Variants in IL17RE observed in about 807,000 individuals in gnomAD.
IL17RE encodes the protein interleukin 17 receptor E, also known as interleukin-17 receptor E.
IL17RE carries 47 observed loss-of-function variants against 70.7 expected under a neutral mutation model. The observed-to-expected ratio is 0.67, with a 90% CI of 0.53 to 0.85. The LOEUF is 0.85. Ranked by LOEUF, IL17RE falls within the 40% of genes least tolerant of loss-of-function variation. IL17RE has a pLI of 0.00. For missense variants in IL17RE, 850 were observed against 893.9 expected, an observed-to-expected ratio of 0.95 and a Z score of 0.63; for synonymous variants, 372 against 381.2, an observed-to-expected ratio of 0.98 and a Z score of 0.28.
At position 9,915,421 on chromosome 3, in the gene IL17RE, T is replaced by G; in HGVS notation, c.1618T>G (p.Trp540Gly). The change falls in exon 16 of 16, where the codon TGG becomes GGG. Residue 540 changes from tryptophan (W) to glycine (G), a missense_variant. Transcript: ENST00000383814. The surrounding 1 kb of genome is among the most constrained non-coding windows in gnomAD (Gnocchi z 4.9). The part of the protein sequence containing the change: ...RHVARVGPLP[W>G]LWAARTRVAR... The stretch of plus-strand genomic sequence containing the variant: ...CGTGGCGCGCGTGGGCCCGCTGCCG[T>G]GGCTCTGGGCGGCGCGGACGCGCGT... 3 of 1,361,998 alleles carry G rather than the reference T, an allele frequency of 2.2e-6. No individual in the cohort carries two copies. The highest frequency in any genetic ancestry group is 2.8e-6 in the Non-Finnish European group (3 of 1,066,872). The allele number at this position is 1,361,998 out of a possible 1,614,324, so 84.4% of individuals were successfully genotyped here.
At chr3:9,914,171 T>C (rs746349401) in intron 13 of IL17RE, 147 bp downstream of exon 13, 21 of 725,690 alleles carry the variant, frequency 2.9e-5, no homozygotes, top group Non-Finnish European at 4.9e-5. Context: ...CATTTACATA[T>C]ATAAACAAAG....
chr3:9,909,201 G>A lies in IL17RE; in HGVS notation c.736-16G>A, dbSNP rs750672105. ...GCCATTCCTCTGACCCTCCCCACCTGCTCCCGTCTCTCCAGGCATCCTACC... is the reference window on the plus strand; with the variant it reads ...GCCATTCCTCTGACCCTCCCCACCTACTCCCGTCTCTCCAGGCATCCTACC... On this transcript the variant is annotated splice_polypyrimidine_tract_variant and intron_variant, in intron 7 of 15. Coordinates refer to ENST00000383814, the MANE Select transcript of IL17RE (RefSeq NM_153480.2). The A allele has an allele frequency of 6.8e-6, 11 of 1,610,864 alleles. No homozygotes were observed. In the African/African-American group the frequency reaches 1.3e-4, roughly 20 times the overall value.
chr3:9,914,766 G>C lies in IL17RE; in HGVS notation c.1436G>C (p.Arg479Pro). Residue 479 changes from arginine (R) to proline (P), a missense_variant, in exon 15 of 16, where the codon CGC becomes CCC. Arg to Pro is a moderately radical substitution (Grantham distance 103). Transcript: ENST00000383814. The stretch of plus-strand genomic sequence containing the variant: ...GTTGTTCTGGCCCTCACCTGCCGGC[G>C]CCCACAGTCAGGTAAGCTCACCTGG... ...LGVVLALTCR[R>P]PQSGPGPARP... 1 of 1,613,638 alleles carries C rather than the reference G, an allele frequency of 6.2e-7. No individual in the cohort carries two copies.
intron 3 of IL17RE, 51 bp from the exon 4 acceptor site, chr3:9,906,313 C>A (rs279581): frequency 4.0e-6 from 4 of 1,004,276 alleles, no homozygotes. Context: ...CATCTCCAGG[C>A]AGGGGAGGGG....
At chr3:9,910,376 A>AC (rs2082863100) in intron 8 of IL17RE, 1 of 158,802 alleles carries the variant, frequency 6.3e-6, no homozygotes, top group Admixed American at 6.1e-5. Flanking sequence ...CAAAAAAAAA[A>AC]ACAAAAAACA....
At chr3:9,902,828 C>T (rs945094096), upstream of IL17RE, 12 of 1,592,324 alleles carry the variant, frequency 7.5e-6, no homozygotes, top group African/African-American at 1.3e-5. Context: ...CAGGCTGGGG[C>T]GAGGGCTCCT....
Position 9,906,993 on chromosome 3 carries a change from G to C in IL17RE, c.559G>C (p.Ala187Pro). 6.2e-7 allele frequency: 1 copy of C among 1,614,156 alleles called. No individual in the cohort carries two copies. Among genetic ancestry groups the C allele is most frequent in the Non-Finnish European group, 8.5e-7 (1 of 1,180,038 alleles). ...GTTCTCCTTTGATTTGCTGCCTGAG[G>C]CCCGGGCTATTCGGGTGACCATATC... ...PEFSFDLLPE[A>P]RAIRVTISSG... is the part of the protein sequence containing the mutation. The change falls in exon 6 of 16, where the codon GCC becomes CCC. Residue 187 changes from alanine (A) to proline (P), a missense_variant. Ala to Pro is a conservative substitution (Grantham distance 27, BLOSUM62 -1). Transcript: ENST00000383814.
At chr3:9,902,747 G>A, upstream of IL17RE, 4 of 1,535,162 alleles carry the variant, frequency 2.6e-6, no homozygotes, top group South Asian at 4.7e-5. Flanking sequence ...CCTCCACTTG[G>A]AGGGGAAGGA....
In IL17RE at chr3:9,906,425, G is replaced by A. The variant is rs779595132; in HGVS notation, c.330G>A (p.Lys110=). Residue 110 remains lysine (K), a synonymous_variant, in exon 4 of 16, where the codon AAG becomes AAA. Transcript: ENST00000383814. Reference sequence around the variant, plus strand: ...AATCCAAAAAGTCTTCCACATTCAAGTTCTATAGGAGACACAAGATGCCAG... The same window carrying A: ...AATCCAAAAAGTCTTCCACATTCAAATTCTATAGGAGACACAAGATGCCAG... ...VQKSKKSSTF[K]FYRRHKMPAP... 6.8e-6 allele frequency: 11 copies of A among 1,613,798 alleles called. No homozygotes were observed. The highest frequency in any genetic ancestry group is 1.3e-5 in the African/African-American group (1 of 74,898).
intron 12 of IL17RE, among the ~76,000 whole-genome samples, chr3:9,912,394 C>T (rs1017232649): frequency 6.6e-6 from 1 of 152,208 alleles, no homozygotes; most frequent in Non-Finnish European, 1.5e-5. Context: ...CACTACTCTC[C>T]TGCCTCCACG....
Position 9,914,279 on chromosome 3 carries a change from T to G in IL17RE, c.1296+255T>G. On this transcript the variant is annotated intron_variant, in intron 13 of 15. Transcript: ENST00000383814. ...TGGCCTGGAGCTCAGTGCCATCTGA[T>G]TGTTTCAGTCAGGGCCTGTGCTCTC... 2.6e-6 allele frequency: 2 copies of G among 783,478 alleles called. 1 individual carries two copies. Among genetic ancestry groups the G allele is most frequent in the East Asian group, 5.4e-5 (2 of 36,848 alleles). 48.5% of individuals were successfully genotyped at this position (783,478 alleles called of 1,614,324 possible). A position where few individuals can be genotyped will look rare whatever the true frequency, so the allele number is the denominator to read the frequency against.
Position 9,906,963 on chromosome 3 carries a change from C to T in IL17RE, c.529C>T (p.Pro177Ser). Residue 177 changes from proline (P) to serine (S), a missense_variant and splice_region_variant, in exon 6 of 16, where the codon CCC becomes TCC. By Grantham distance (74) the Pro-to-Ser change is moderately conservative. Transcript: ENST00000383814. ...CACTGAGTCCTTCCTCTCCCCAGGA[C>T]CCGAGTTCTCCTTTGATTTGCTGCC... Reference protein sequence around the residue: ...PRLDSQRHGGPEFSFDLLPEA... With the variant: ...PRLDSQRHGGSEFSFDLLPEA... 2 of 1,614,138 alleles carry T rather than the reference C, an allele frequency of 1.2e-6. No individual in the cohort carries two copies. The highest frequency in any genetic ancestry group is 1.7e-6 in the Non-Finnish European group (2 of 1,180,030).
chr3:9,909,593 C>G lies in IL17RE; in HGVS notation c.802+310C>G, dbSNP rs114708370. On this transcript the variant is annotated intron_variant, in intron 8 of 15. Transcript: ENST00000383814. ...AGAAGACCCAGTTCCCATCACAGCTCTGTCAATTGTTCTTCTCTGAGCCTC... is the reference window on the plus strand; with the variant it reads ...AGAAGACCCAGTTCCCATCACAGCTGTGTCAATTGTTCTTCTCTGAGCCTC... 4.8e-3 allele frequency: 1,679 copies of G among 351,744 alleles called. 22 individuals are homozygous for G. Among genetic ancestry groups the G allele is most frequent in the African/African-American group, 0.032 (1,552 of 47,994 alleles). 21.8% of individuals were successfully genotyped at this position (351,744 alleles called of 1,614,324 possible). A position where few individuals can be genotyped will look rare whatever the true frequency, so the allele number is the denominator to read the frequency against.
chr3:9,909,531 A>G lies in IL17RE; in HGVS notation c.802+248A>G, dbSNP rs556782567. Reference sequence around the variant, plus strand: ...GCAGTACTGTGAGAAGTTTAGAAATATGAGGCCTAGGAGATGGTGTCCTAA... The same window carrying G: ...GCAGTACTGTGAGAAGTTTAGAAATGTGAGGCCTAGGAGATGGTGTCCTAA... On this transcript the variant is annotated intron_variant, in intron 8 of 15. Transcript: ENST00000383814. 30 of 514,648 alleles carry G rather than the reference A, an allele frequency of 5.8e-5. No individual in the cohort carries two copies. The South Asian group carries it at 7.6e-4, about 13-fold the overall frequency. The allele number at this position is 514,648 out of a possible 1,614,324, so 31.9% of individuals were successfully genotyped here.
At chr3:9,904,345 T>C (rs1412410965) in intron 3 of IL17RE, among the ~76,000 whole-genome samples, 194 bp downstream of exon 3, 1 of 152,254 alleles carries the variant, frequency 6.6e-6, no homozygotes, top group Non-Finnish European at 1.5e-5. Flanking sequence ...AAGGTTTTTT[T>C]TCAGCTGAGA....
Position 9,915,324 on chromosome 3 carries a change from G to A in IL17RE, c.1521G>A (p.Ala507=). Residue 507 remains alanine (A), a synonymous_variant, in exon 16 of 16, where the codon GCG becomes GCA. Coordinates refer to ENST00000383814, the MANE Select transcript of IL17RE (RefSeq NM_153480.2). The surrounding 1 kb of genome is among the most constrained non-coding windows in gnomAD (Gnocchi z 4.9). ...AGGCGCAGCGGCGCCTGGTGGGAGC[G>A]CTGGCTGAACTGCTACGGGCAGCGC... is the stretch of plus-strand genomic sequence containing the variant. ...DSEAQRRLVG[A]LAELLRAALG... is the part of the protein sequence containing the mutation. 1 of 1,397,304 alleles carries A rather than the reference G, an allele frequency of 7.2e-7. No individual in the cohort carries two copies. The highest frequency in any genetic ancestry group is 1.5e-5 in the African/African-American group (1 of 66,224). 86.6% of individuals were successfully genotyped at this position (1,397,304 alleles called of 1,614,324 possible).
Position 9,914,751 on chromosome 3 carries a change from C to T in IL17RE, c.1421C>T (p.Ala474Val), listed in dbSNP as rs752355917. Residue 474 changes from alanine to valine, a missense_variant, in exon 15 of 16, where the codon GCC (alanine) becomes GTC (valine). By Grantham distance (64) the Ala-to-Val change is moderately conservative. Coordinates refer to ENST00000383814, the MANE Select transcript of IL17RE (RefSeq NM_153480.2). ...CTCACCCTACTGGGTGTTGTTCTGG[C>T]CCTCACCTGCCGGCGCCCACAGTCA... is the stretch of plus-strand genomic sequence containing the variant. ...ALLTLLGVVL[A>V]LTCRRPQSGP... The T allele has an allele frequency of 5.0e-6, 8 of 1,613,770 alleles. No individual in the cohort carries two copies. The highest frequency in any genetic ancestry group is 1.3e-5 in the African/African-American group (1 of 74,856).
At chr3:9,914,257 C>A in intron 13 of IL17RE, 1 of 718,362 alleles carries the variant, frequency 1.4e-6, no homozygotes, top group Non-Finnish European at 2.2e-6. Context: ...GTGACAATGG[C>A]CTGGAGCTCA....
chr3:9,914,390 G>C, intron 13 of IL17RE, 158 bp from the exon 14 acceptor site: 2 of 1,502,012 alleles, frequency 1.3e-6, no homozygotes, highest in Non-Finnish European at 1.8e-6. Flanking sequence ...CCATTGACCT[G>C]TTCTGTGCCA....
Sources: gnomAD v4.1 joint callset for allele counts (sites outside exome capture counted in the v4.1 genomes callset) on GRCh38, gnomAD v4.1.1 for gene constraint, Gnocchi (gnomAD v3.1) non-coding constraint, MANE v1.5 for transcripts, NCBI Gene and HGNC (gene_info 2026-07-23, HGNC 2026-07-21) for gene names.